The following ADGRF1 variants were observed in gnomAD, a reference collection of about 807,000 sequenced individuals.
The protein encoded by ADGRF1 is G protein-coupled receptor 110.
Under a neutral mutation model 87.2 loss-of-function variants are expected in ADGRF1, and 85 were observed. The observed-to-expected ratio is 0.97, with a 90% CI of 0.82 to 1.17. The LOEUF is 1.17. Ranked by LOEUF, ADGRF1 falls within the 50% of genes most tolerant of loss-of-function variation. The pLI is 0.00. For missense variants in ADGRF1, 1,169 were observed against 1,077.2 expected (o/e 1.09, Z -1.19); for synonymous variants, 430 against 408.8 (o/e 1.05, Z -0.63).
intron 10 of ADGRF1, 25 bp downstream of exon 10, chr6:47,011,982 C>G: frequency 1.3e-6 from 2 of 1,593,268 alleles, no homozygotes; most frequent in Non-Finnish European, 1.7e-6. Context: ...TTAAAGTGAG[C>G]CCTTCAAGCA....
In ADGRF1 at chr6:46,999,792, C is replaced by G. The variant is rs1779310079; in HGVS notation, c.*430G>C. 1 of 152,532 alleles carries G rather than the reference C, an allele frequency of 6.6e-6. No homozygotes were observed. The highest frequency in any genetic ancestry group is 2.4e-5 in the African/African-American group (1 of 41,416). The allele number at this position is 152,532 out of a possible 1,614,324, so 9.4% of individuals were successfully genotyped here. Reference sequence around the variant, plus strand: ...GGAAATTTGCACTAATAACTTTTTCCCACCATCCCCCCACCAGTAACTTTT... The same window carrying G: ...GGAAATTTGCACTAATAACTTTTTCGCACCATCCCCCCACCAGTAACTTTT... On this transcript the variant is annotated 3_prime_UTR_variant, in exon 15 of 15. Transcript: ENST00000371253.
Position 47,009,915 on chromosome 6 carries a change from G to A in ADGRF1, c.1520C>T (p.Ser507Phe), listed in dbSNP as rs953051403. 5 of 1,614,026 alleles carry A rather than the reference G, an allele frequency of 3.1e-6. No homozygotes were observed. The African/African-American group carries it at 6.7e-5, about 22-fold the overall frequency. The change falls in exon 11 of 15, where the codon TCC (serine) becomes TTC (phenylalanine). Residue 507 changes from serine to phenylalanine, a missense_variant. Transcript: ENST00000371253. ...TATGGAATAGTTTTGAATAACCGTG[G>A]ATATCACAGGTCCATTGACCTGAGC... ...GNAQVNGPVISTVIQNYSINE... is the reference protein window; with the variant it reads ...GNAQVNGPVIFTVIQNYSINE...
At chr6:47,028,793 C>T (rs1212501179) in intron 2 of ADGRF1, among the ~76,000 whole-genome samples, 200 bp downstream of exon 2, 1 of 152,156 alleles carries the variant, frequency 6.6e-6, no homozygotes, top group African/African-American at 2.4e-5. Flanking sequence ...ATCATCTAAG[C>T]TCCGAAGAGA....
intron 7 of ADGRF1, chr6:47,019,453 G>A (rs1420677292): frequency 3.9e-6 from 3 of 760,614 alleles, no homozygotes; most frequent in Non-Finnish European, 4.8e-6. Context: ...GGAAGCCGAG[G>A]CAGGCGGATC....
rs1380975238 is a variant in ADGRF1, at chr6:47,024,168, G to T, written c.327C>A (p.Tyr109Ter). The T allele has an allele frequency of 1.9e-6, 3 of 1,613,918 alleles. No individual in the cohort carries two copies. Among genetic ancestry groups the T allele is most frequent in the Admixed American group, 1.7e-5 (1 of 59,996 alleles). The change falls in exon 5 of 15, where the codon TAC becomes TAA. Residue 109 changes from tyrosine to a stop codon, truncating the protein, a stop_gained. Transcript: ENST00000371253. LOFTEE classifies it high-confidence loss of function. ...CAAGGCATGAGGGAGGAAACCAGGTGTAGCTGTCTTCACAGGTACACTGCA... is the reference window on the plus strand; with the variant it reads ...CAAGGCATGAGGGAGGAAACCAGGTTTAGCTGTCTTCACAGGTACACTGCA... ...GVLQCTCEDS[Y>*]TWFPPSCLDP...
intron 2 of ADGRF1, 83 bp from the exon 3 acceptor site, chr6:47,027,844 T>A: frequency 1.2e-6 from 1 of 864,316 alleles, no homozygotes; most frequent in Non-Finnish European, 1.9e-6. Flanking sequence ...CCAGATGAAT[T>A]AAAATCATGA....
intron 5 of ADGRF1, among the ~76,000 whole-genome samples, chr6:47,023,704 G>A (rs933132792): frequency 2.0e-5 from 3 of 152,180 alleles, no homozygotes; most frequent in East Asian, 1.9e-4. Flanking sequence ...GGCAAAAGAC[G>A]TGAAAAGAGA....
rs945712732 is a variant in ADGRF1 at position 46,998,901 on chromosome 6, A to G, written c.*1321T>C. 1.3e-5 allele frequency: 2 copies of G among 152,260 alleles called. No homozygotes were observed. Among genetic ancestry groups the G allele is most frequent in the African/African-American group, 4.8e-5 (2 of 41,468 alleles). The allele number at this position is 152,260 out of a possible 1,614,324, so 9.4% of individuals were successfully genotyped here. On this transcript the variant is annotated 3_prime_UTR_variant, in exon 15 of 15. Transcript: ENST00000371253. ...GTGCTGCACCTTGGTGCCTTGTGGA[A>G]GTCTAACTTTGAATTTCTCTCAGGT...
Position 47,016,776 on chromosome 6 carries a change from G to T in ADGRF1, c.612-8C>A. ...GCAACGATGCTTCCATTTCTGCAGT[G>T]ATTATGGGGAAAGAGAAATGAGATT... On this transcript the variant is annotated splice_region_variant and splice_polypyrimidine_tract_variant and intron_variant, in intron 7 of 14. Coordinates refer to ENST00000371253, the MANE Select transcript of ADGRF1 (RefSeq NM_153840.4). 2 of 1,566,476 alleles carry T rather than the reference G, an allele frequency of 1.3e-6. No individual in the cohort carries two copies. The highest frequency in any genetic ancestry group is 1.2e-5 in the South Asian group (1 of 86,152).
intron 11 of ADGRF1, 27 bp from the exon 12 acceptor site, chr6:47,007,321 TG>T: frequency 7.3e-7 from 1 of 1,364,860 alleles, no homozygotes; most frequent in Non-Finnish European, 1.0e-6. Context: ...ATAAATCACA[TG>T]TATTGTATTT....
At position 47,016,711 on chromosome 6, in the gene ADGRF1, C is replaced by T. The variant is rs1171601665; in HGVS notation, c.669G>A (p.Leu223=). The change falls in exon 8 of 15, where the codon CTG becomes CTA. Residue 223 remains leucine, a synonymous_variant. Transcript: ENST00000371253. The stretch of plus-strand genomic sequence containing the variant: ...CGGCAACATGTTCAATGGCTGACAG[C>T]AGTTCAGATGCACTGCTGGAGCCAA... ...EVVGSSSASE[L]LSAIEHVAEK... The T allele has an allele frequency of 6.2e-7, 1 of 1,612,196 alleles. No homozygotes were observed. Among genetic ancestry groups the T allele is most frequent in the African/African-American group, 1.3e-5 (1 of 75,006 alleles).
At chr6:47,039,921 C>T (rs192494435) in intron 1 of ADGRF1, among the ~76,000 whole-genome samples, 6 of 151,948 alleles carry the variant, frequency 3.9e-5, no homozygotes, top group African/African-American at 7.2e-5. Flanking sequence ...GGGATTGTGC[C>T]GCTGCACTCC....
chr6:46,999,609 A>T lies in ADGRF1; in HGVS notation c.*613T>A, dbSNP rs899187756. ...AATACCACATTATATATCATATCAC[A>T]TTATTATACTTTCTGATAAATGGTT... is the stretch of plus-strand genomic sequence containing the variant. On this transcript the variant is annotated 3_prime_UTR_variant, in exon 15 of 15. Coordinates refer to ENST00000371253, the MANE Select transcript of ADGRF1 (RefSeq NM_153840.4). 1 of 152,360 alleles carries T rather than the reference A, an allele frequency of 6.6e-6. No individual in the cohort carries two copies. Among genetic ancestry groups the T allele is most frequent in the Non-Finnish European group, 1.5e-5 (1 of 68,156 alleles). 9.4% of individuals were successfully genotyped at this position (152,360 alleles called of 1,614,324 possible). A position where few individuals can be genotyped will look rare whatever the true frequency, so the allele number is the denominator to read the frequency against.
At chr6:47,005,539 T>A (rs1239410169) in intron 13 of ADGRF1, among the ~76,000 whole-genome samples, 1 of 152,176 alleles carries the variant, frequency 6.6e-6, no homozygotes, top group East Asian at 1.9e-4. Context: ...GTAAATGCCA[T>A]TGTTCAAAAG....
chr6:47,001,931 C>G (rs929536815), intron 13 of ADGRF1: 2 of 204,554 alleles, frequency 9.8e-6, no homozygotes, highest in Non-Finnish European at 2.0e-5. Flanking sequence ...AAAAACAGTG[C>G]TCTGACTAAA....
intron 9 of ADGRF1, chr6:47,012,740 TG>T: frequency 1.0e-6 from 1 of 985,494 alleles, no homozygotes; most frequent in Non-Finnish European, 1.2e-6. Context: ...CTACTGGGCT[TG>T]TGCCAGCCCC....
chr6:47,025,594 C>G (rs1458125980), intron 4 of ADGRF1, among the ~76,000 whole-genome samples: 1 of 152,100 alleles, frequency 6.6e-6, no homozygotes, highest in Non-Finnish European at 1.5e-5. Context: ...CCGTGGAAAA[C>G]CCTCCAGTGT....
intron 12 of ADGRF1, among the ~76,000 whole-genome samples, chr6:47,006,893 T>C (rs543380056): frequency 2.0e-4 from 31 of 152,338 alleles, no homozygotes; most frequent in African/African-American, 7.0e-4. Flanking sequence ...CAGCATATTC[T>C]AAATAAATGG....
intron 13 of ADGRF1, among the ~76,000 whole-genome samples, chr6:47,003,003 CA>C (rs1328103088): frequency 2.0e-5 from 3 of 152,076 alleles, no homozygotes; most frequent in African/African-American, 4.8e-5. Flanking sequence ...GAAAAACAAA[CA>C]AAAAAAGTAT....
Sources: allele counts gnomAD v4.1 joint callset (sites outside exome capture counted in the v4.1 genomes callset), GRCh38; gene constraint gnomAD v4.1.1; transcripts MANE v1.5; gene names NCBI Gene and HGNC (gene_info 2026-07-23, HGNC 2026-07-21).